The following GUCY1A1 variants were observed in gnomAD, a reference collection of about 807,000 sequenced individuals.
The protein encoded by GUCY1A1 is guanylate cyclase soluble subunit alpha-1.
In GUCY1A1, 48 loss-of-function variants were observed where a neutral mutation model predicts 64.5. The observed-to-expected ratio is 0.74, with a 90% CI of 0.59 to 0.95. The LOEUF is 0.95. GUCY1A1 is among the 40% of genes least tolerant of loss of function. The pLI is 0.00. For synonymous variants in GUCY1A1, 308 were observed against 303.4 expected (o/e 1.02, Z -0.16); for missense variants, 804 against 825.3 (o/e 0.97, Z 0.32).
chr4:155,696,011 C>T (rs1024715392), intron 2 of GUCY1A1, among the ~76,000 whole-genome samples: 1 of 152,064 alleles, frequency 6.6e-6, no homozygotes, highest in Admixed American at 6.6e-5. Flanking sequence ...GCTGGAATGG[C>T]GATGCTTATG....
intron 5 of GUCY1A1, 44 bp from the exon 6 acceptor site, chr4:155,710,498 G>A (rs1351570629): frequency 1.8e-6 from 2 of 1,102,908 alleles, no homozygotes; most frequent in East Asian, 2.4e-5. Flanking sequence ...GCTTTACCAA[G>A]GTGGCATATT....
chr4:155,699,677 G>C (rs571477474), intron 3 of GUCY1A1, among the ~76,000 whole-genome samples: 1 of 152,018 alleles, frequency 6.6e-6, no homozygotes, highest in African/African-American at 2.4e-5. Flanking sequence ...GCTTATCTTT[G>C]ATAAATACTT....
At chr4:155,672,570 A>C (rs1275153132) in intron 2 of GUCY1A1, among the ~76,000 whole-genome samples, 1 of 152,208 alleles carries the variant, frequency 6.6e-6, no homozygotes, top group Non-Finnish European at 1.5e-5. Flanking sequence ...ATTAAAAACA[A>C]AAGGAGATAA....
intron 2 of GUCY1A1, among the ~76,000 whole-genome samples, chr4:155,686,678 A>T (rs1729039108): frequency 6.6e-6 from 1 of 152,226 alleles, no homozygotes; most frequent in African/African-American, 2.4e-5. Context: ...AAATTTCCAC[A>T]TTGGGAATAA....
intron 4 of GUCY1A1, 72 bp downstream of exon 4, chr4:155,704,065 T>A (rs1457438765): frequency 5.9e-6 from 5 of 853,536 alleles, no homozygotes; most frequent in Non-Finnish European, 7.7e-6. Flanking sequence ...GGCCAGCAGT[T>A]ACTGAATGTG....
In GUCY1A1 at chr4:155,734,654, G is replaced by C. The variant is rs1347641426; in HGVS notation, c.*4423G>C. ...CATATATGAGAGGTGGGAGGGCAGAGACGCCTTGCGATTCCTGTGAGGAGG... is the reference window on the plus strand; with the variant it reads ...CATATATGAGAGGTGGGAGGGCAGACACGCCTTGCGATTCCTGTGAGGAGG... On this transcript the variant is annotated 3_prime_UTR_variant, in exon 10 of 10. Transcript: ENST00000506455. 2 of 151,954 alleles carry C rather than the reference G, an allele frequency of 1.3e-5. No individual in the cohort carries two copies. Among genetic ancestry groups the C allele is most frequent in the Non-Finnish European group, 2.9e-5 (2 of 67,948 alleles). 9.4% of individuals were successfully genotyped at this position (151,954 alleles called of 1,614,324 possible). A position where few individuals can be genotyped will look rare whatever the true frequency, so the allele number is the denominator to read the frequency against.
intron 4 of GUCY1A1, among the ~76,000 whole-genome samples, chr4:155,704,558 G>A (rs1449209780): frequency 6.7e-6 from 1 of 150,044 alleles, no homozygotes; most frequent in Non-Finnish European, 1.5e-5. Context: ...GTTCCGGGGG[G>A]TAGCAGCTGT....
At chr4:155,674,212 G>A (rs1226077556) in intron 2 of GUCY1A1, among the ~76,000 whole-genome samples, 4 of 151,176 alleles carry the variant, frequency 2.6e-5, no homozygotes, top group East Asian at 1.9e-4. Context: ...AAAATTAGCC[G>A]GGCATGGTGG....
chr4:155,708,780 A>G (rs1369355286), intron 5 of GUCY1A1, among the ~76,000 whole-genome samples: 2 of 152,190 alleles, frequency 1.3e-5, no homozygotes, highest in African/African-American at 2.4e-5. Context: ...CTAAAAGTAT[A>G]AGATATTGAT....
Position 155,734,910 on chromosome 4 carries a change from T to C in GUCY1A1, c.*4679T>C, listed in dbSNP as rs2110855566. On this transcript the variant is annotated 3_prime_UTR_variant, in exon 10 of 10. Coordinates refer to ENST00000506455, the MANE Select transcript of GUCY1A1 (RefSeq NM_001130682.3). The stretch of plus-strand genomic sequence containing the variant: ...CTTTAGTGAAAAGGGGAAGAATCAA[T>C]TACTGAAAGCCATAAGCTTACAGTA... 6.6e-6 allele frequency: 1 copy of C among 152,122 alleles called. No individual in the cohort carries two copies. The highest frequency in any genetic ancestry group is 1.9e-4 in the East Asian group (1 of 5,148). 9.4% of individuals were successfully genotyped at this position (152,122 alleles called of 1,614,324 possible). A position where few individuals can be genotyped will look rare whatever the true frequency, so the allele number is the denominator to read the frequency against.
chr4:155,690,615 A>G (rs758785077), intron 2 of GUCY1A1, among the ~76,000 whole-genome samples: 2 of 152,096 alleles, frequency 1.3e-5, no homozygotes, highest in Admixed American at 1.3e-4. Context: ...CCTTTGCTAC[A>G]CTGGAATTAC....
chr4:155,715,440 C>T (rs1052732578), intron 7 of GUCY1A1, among the ~76,000 whole-genome samples: 1 of 152,128 alleles, frequency 6.6e-6, no homozygotes, highest in Non-Finnish European at 1.5e-5. Flanking sequence ...CGAATATGTA[C>T]TGGTTATCCA....
At chr4:155,713,751 C>G (rs1190869930) in intron 7 of GUCY1A1, among the ~76,000 whole-genome samples, 168 bp downstream of exon 7, 6 of 152,132 alleles carry the variant, frequency 3.9e-5, no homozygotes, top group Non-Finnish European at 8.8e-5. Flanking sequence ...TGTTTTCCAG[C>G]CAGCAATAGC....
chr4:155,710,515 G>C, intron 5 of GUCY1A1, 27 bp from the exon 6 acceptor site: 1 of 1,305,042 alleles, frequency 7.7e-7, no homozygotes, highest in Non-Finnish European at 1.1e-6. Context: ...TATTTGATAT[G>C]GCAGAACATG....
intron 8 of GUCY1A1, among the ~76,000 whole-genome samples, chr4:155,720,091 C>T (rs1486132748): frequency 6.6e-6 from 1 of 152,058 alleles, no homozygotes; most frequent in Non-Finnish European, 1.5e-5. Flanking sequence ...GGCAGCACGG[C>T]ATGGAAGGAC....
intron 3 of GUCY1A1, among the ~76,000 whole-genome samples, chr4:155,702,839 A>C (rs1237188230): frequency 2.0e-5 from 3 of 152,052 alleles, no homozygotes; most frequent in African/African-American, 7.2e-5. Flanking sequence ...ACCTCACTTG[A>C]CTGGTGGAAA....
At chr4:155,692,860 A>G (rs1579042934) in intron 2 of GUCY1A1, among the ~76,000 whole-genome samples, 1 of 152,072 alleles carries the variant, frequency 6.6e-6, no homozygotes, top group South Asian at 2.1e-4. Context: ...GGAGTTCGAG[A>G]CCAGCCTGGC....
At chr4:155,718,338 T>C (rs975851425) in intron 8 of GUCY1A1, among the ~76,000 whole-genome samples, 1 of 152,208 alleles carries the variant, frequency 6.6e-6, no homozygotes, top group African/African-American at 2.4e-5. Context: ...AAGCCATATG[T>C]TTAAGCCTTC....
chr4:155,711,371 G>A (rs1418310792), intron 6 of GUCY1A1, 120 bp downstream of exon 6: 13 of 553,232 alleles, frequency 2.3e-5, no homozygotes, highest in Admixed American at 3.4e-5. Flanking sequence ...GTAAAACAAT[G>A]GTAAAAGAAT....
Sources: allele counts gnomAD v4.1 joint callset (sites outside exome capture counted in the v4.1 genomes callset), GRCh38; gene constraint gnomAD v4.1.1; transcripts MANE v1.5; gene names NCBI Gene and HGNC (gene_info 2026-07-23, HGNC 2026-07-21).